Variants in STAU2 observed in about 807,000 individuals in gnomAD.
STAU2 encodes staufen double-stranded RNA binding protein 2, also known as double-stranded RNA-binding protein Staufen homolog 2.
STAU2 carries 20 observed loss-of-function variants against 65.9 expected under a neutral mutation model. That is an observed-to-expected ratio of 0.30 (90% CI 0.21 to 0.44). The LOEUF (loss-of-function observed/expected upper bound fraction) is 0.44, where lower values mean the gene tolerates loss of function less well. Among genes scored for constraint, STAU2 ranks in the 20% least tolerant of loss-of-function variants. STAU2 has a pLI of 1.00. For missense variants in STAU2, 558 were observed against 683.9 expected, an observed-to-expected ratio of 0.82 and a Z score of 2.05; for synonymous variants, 232 against 233.9, an observed-to-expected ratio of 0.99 and a Z score of 0.07.
intron 13 of STAU2, among the ~76,000 whole-genome samples, chr8:73,442,043 T>G (rs987720378): frequency 6.6e-6 from 1 of 152,064 alleles, no homozygotes; most frequent in Non-Finnish European, 1.5e-5. Flanking sequence ...ATACCAAACT[T>G]GGTTTGGCAA....
chr8:73,630,384 A>G (rs929652097), intron 6 of STAU2, among the ~76,000 whole-genome samples: 10 of 152,262 alleles, frequency 6.6e-5, no homozygotes, highest in African/African-American at 2.4e-4. Context: ...TGATATTGGT[A>G]GAGACAATAT....
chr8:73,704,866 G>A (rs1417195884), intron 4 of STAU2, among the ~76,000 whole-genome samples: 3 of 151,954 alleles, frequency 2.0e-5, no homozygotes, highest in East Asian at 1.9e-4. Context: ...ACAGGGTTTC[G>A]CCATTTTGAC....
rs1317910139 is a variant in STAU2, at chr8:73,609,731, T to C, written c.891+4013A>G. On this transcript the variant is annotated intron_variant, in intron 9 of 14. Transcript: ENST00000524300. Reference sequence around the variant, plus strand: ...AAAGACAAATCCACATAATAATTTATAAGTCTAAGATTGAAATCCCAATGA... The same window carrying C: ...AAAGACAAATCCACATAATAATTTACAAGTCTAAGATTGAAATCCCAATGA... Among the ~76,000 whole-genome samples the C allele has an allele frequency of 1.8e-4, 28 of 152,118 alleles. 1 individual carries two copies. The highest frequency in any genetic ancestry group is 1.8e-3 in the Admixed American group (27 of 15,270).
At chr8:73,483,656 T>C (rs919820901) in intron 13 of STAU2, among the ~76,000 whole-genome samples, 2 of 152,120 alleles carry the variant, frequency 1.3e-5, no homozygotes, top group African/African-American at 4.8e-5. Context: ...AACATTACAA[T>C]GTTGCTTAGG....
In STAU2 at chr8:73,617,320, T is replaced by C; in HGVS notation, c.542A>G (p.Asn181Ser). 1 of 1,614,112 alleles carries C rather than the reference T, an allele frequency of 6.2e-7. No homozygotes were observed. The highest frequency in any genetic ancestry group is 1.1e-5 in the South Asian group (1 of 91,084). The change falls in exon 7 of 15, where the codon AAT becomes AGT. Residue 181 changes from asparagine (N) to serine (S), a missense_variant. Asn to Ser is a conservative substitution (Grantham distance 46). This residue lies in a region of STAU2 where 199 missense variants were observed against 299.5 expected (regional missense o/e 0.66). Coordinates refer to ENST00000524300, the MANE Select transcript of STAU2 (RefSeq NM_001164380.2). Reference sequence around the variant, plus strand: ...AGGAGATCTTTCTGGAATAGGTTCATTCTGCAGTGCTTGGAGGGCTTTCAT... The same window carrying C: ...AGGAGATCTTTCTGGAATAGGTTCACTCTGCAGTGCTTGGAGGGCTTTCAT... ...AAMKALQALQ[N>S]EPIPERSPQN... is the part of the protein sequence containing the mutation.
intron 13 of STAU2, among the ~76,000 whole-genome samples, chr8:73,495,887 C>T (rs189632419): frequency 7.3e-4 from 111 of 151,452 alleles, no homozygotes; most frequent in Middle Eastern, 3.4e-3. Context: ...TGTATGTTCT[C>T]TTTTGTCTCC....
chr8:73,652,930 T>A (rs1402614856), intron 6 of STAU2: 12 of 151,896 alleles, frequency 7.9e-5, no homozygotes, highest in African/African-American at 2.7e-4. Context: ...AATTCTGAAG[T>A]AAAAAAATTC....
chr8:73,612,522 T>C (rs568737632), intron 9 of STAU2, among the ~76,000 whole-genome samples: 3 of 152,170 alleles, frequency 2.0e-5, no homozygotes, highest in Non-Finnish European at 2.9e-5. Flanking sequence ...CTATGACTCA[T>C]GATAAGTGGA....
Position 73,552,060 on chromosome 8 carries a change from T to C in STAU2, c.1482A>G (p.Val494=). 1 of 1,606,376 alleles carries C rather than the reference T, an allele frequency of 6.2e-7. No homozygotes were observed. Among genetic ancestry groups the C allele is most frequent in the Non-Finnish European group, 8.5e-7 (1 of 1,175,406 alleles). ...GSSPTPPCSP[V]QPSKQLEYLA... is the part of the protein sequence containing the mutation. ...AATATTCCAGTTGTTTTGAAGGTTG[T>C]ACTGGAGAACAAGGGGGAGTAGGAG... is the stretch of plus-strand genomic sequence containing the variant. The change falls in exon 13 of 15, where the codon GTA becomes GTG. Residue 494 remains valine (V), a synonymous_variant. Coordinates refer to ENST00000524300, the MANE Select transcript of STAU2 (RefSeq NM_001164380.2).
chr8:73,662,359 G>T (rs1816891949), intron 6 of STAU2, among the ~76,000 whole-genome samples: 1 of 152,034 alleles, frequency 6.6e-6, no homozygotes, highest in Non-Finnish European at 1.5e-5. Flanking sequence ...AGTACCAGAA[G>T]TTTAAATTTT....
At chr8:73,503,419 G>A (rs1055021045) in intron 13 of STAU2, among the ~76,000 whole-genome samples, 2 of 152,008 alleles carry the variant, frequency 1.3e-5, no homozygotes, top group African/African-American at 2.4e-5. Flanking sequence ...CATAAACTGA[G>A]AAGCCGGGAA....
chr8:73,630,690 A>G (rs1037141055), intron 6 of STAU2, among the ~76,000 whole-genome samples: 5 of 152,320 alleles, frequency 3.3e-5, no homozygotes, highest in Non-Finnish European at 7.4e-5. Flanking sequence ...CTTTGATGAC[A>G]TATTACTCCT....
intron 3 of STAU2, among the ~76,000 whole-genome samples, chr8:73,728,675 C>T (rs934028877): frequency 2.6e-5 from 4 of 152,164 alleles, no homozygotes; most frequent in African/African-American, 9.7e-5. Context: ...CTCCTTTAGG[C>T]TTTTGGATGC....
intron 13 of STAU2, among the ~76,000 whole-genome samples, chr8:73,466,853 C>A: frequency 6.6e-6 from 1 of 152,342 alleles, no homozygotes; most frequent in South Asian, 2.1e-4. Context: ...GATACACAGA[C>A]GGTTGTGGCA....
intron 13 of STAU2, among the ~76,000 whole-genome samples, chr8:73,463,270 T>C (rs1202454434): frequency 8.5e-5 from 13 of 152,242 alleles, no homozygotes; most frequent in South Asian, 2.1e-4. Context: ...TGCTGGACTT[T>C]TGCTGGTCTA....
intron 13 of STAU2, among the ~76,000 whole-genome samples, chr8:73,483,830 G>T (rs1820771551): frequency 6.6e-6 from 1 of 152,084 alleles, no homozygotes; most frequent in African/African-American, 2.4e-5. Context: ...TAACTGTGTG[G>T]GACTTGCTGA....
chr8:73,574,871 C>T (rs1034717392), intron 12 of STAU2, among the ~76,000 whole-genome samples: 27 of 151,450 alleles, frequency 1.8e-4, no homozygotes, highest in Non-Finnish European at 3.8e-4. Flanking sequence ...CAAACCTGCA[C>T]ATTGTGCACA....
Position 73,582,779 on chromosome 8 carries a change from T to C in STAU2, c.1213A>G (p.Thr405Ala), listed in dbSNP as rs1810084132. The change falls in exon 12 of 15, where the codon ACA becomes GCA. Residue 405 changes from threonine to alanine, a missense_variant. Thr to Ala is a moderately conservative substitution (Grantham distance 58). Coordinates refer to ENST00000524300, the MANE Select transcript of STAU2 (RefSeq NM_001164380.2). The part of the protein sequence containing the change: ...SGPKPGFPEP[T>A]NNTPKGILHL... Reference sequence around the variant, plus strand: ...AAAAATGAGAACTTACTATTATTTGTTGGTTCAGGAAACCCAGGCTTTGGA... The same window carrying C: ...AAAAATGAGAACTTACTATTATTTGCTGGTTCAGGAAACCCAGGCTTTGGA... The C allele has an allele frequency of 1.2e-6, 2 of 1,613,370 alleles. No individual in the cohort carries two copies.
At chr8:73,664,427 G>A (rs1398971654) in intron 6 of STAU2, among the ~76,000 whole-genome samples, 1 of 152,180 alleles carries the variant, frequency 6.6e-6, no homozygotes, top group Non-Finnish European at 1.5e-5. Context: ...GTTATCTGGA[G>A]GTTGTTTGAA....
Sources: allele counts gnomAD v4.1 joint callset (sites outside exome capture counted in the v4.1 genomes callset), GRCh38; gene constraint gnomAD v4.1.1; regional missense constraint gnomAD v4.1.1; transcripts MANE v1.5; gene names NCBI Gene and HGNC (gene_info 2026-07-23, HGNC 2026-07-21).